TMEM117: variants seen among roughly 807,000 people sequenced by gnomAD.
The protein encoded by TMEM117 is transmembrane protein 117.
TMEM117 carries 27 observed loss-of-function variants against 52.4 expected under a neutral mutation model. The ratio of observed to expected loss-of-function variants is 0.51; its 90% CI spans 0.38 to 0.71. The LOEUF is 0.71. Ranked by LOEUF, TMEM117 falls within the 30% of genes least tolerant of loss-of-function variation. TMEM117 has a pLI of 0.00. For missense variants in TMEM117, 556 were observed against 630.5 expected (o/e 0.88, Z 1.26); for synonymous variants, 215 against 206.3 (o/e 1.04, Z -0.36).
intron 5 of TMEM117, among the ~76,000 whole-genome samples, chr12:44,227,321 A>AG (rs1949875272): frequency 6.6e-6 from 1 of 152,132 alleles, no homozygotes; most frequent in South Asian, 2.1e-4. Context: ...GAAATTAGCC[A>AG]GGCATGGTGG....
chr12:43,806,397 G>A, the TMEM117 span: 3 of 1,174,594 alleles, frequency 2.6e-6, no homozygotes, highest in Non-Finnish European at 3.1e-6. Flanking sequence ...CTGAGTGCCC[G>A]AGCGTCCCCG....
intron 3 of TMEM117, among the ~76,000 whole-genome samples, chr12:43,972,482 G>A (rs1945605042): frequency 6.6e-6 from 1 of 152,210 alleles, no homozygotes; most frequent in South Asian, 2.1e-4. Context: ...CATGGAAGGG[G>A]ATGCAAGTGG....
At chr12:44,003,195 T>C (rs1946142041) in intron 3 of TMEM117, among the ~76,000 whole-genome samples, 1 of 152,132 alleles carries the variant, frequency 6.6e-6, no homozygotes, top group South Asian at 2.1e-4. Context: ...GATTGGCTTG[T>C]GGCAGAGGGA....
chr12:44,073,913 G>A (rs1213199161), intron 3 of TMEM117: 1 of 152,208 alleles, frequency 6.6e-6, no homozygotes, highest in Non-Finnish European at 1.5e-5. Flanking sequence ...ATCTGGGAAT[G>A]TGGTTCTTAA....
chr12:44,062,445 C>T (rs556833936), intron 3 of TMEM117, among the ~76,000 whole-genome samples: 4 of 152,158 alleles, frequency 2.6e-5, no homozygotes, highest in East Asian at 1.9e-4. Context: ...ATGTGCATAC[C>T]GTCTATGAAA....
At chr12:44,105,861 G>A (rs1268805569) in intron 3 of TMEM117, among the ~76,000 whole-genome samples, 1 of 152,008 alleles carries the variant, frequency 6.6e-6, no homozygotes, top group African/African-American at 2.4e-5. Context: ...CAAAAGGAGT[G>A]TTTTCCCCTG....
intron 4 of TMEM117, among the ~76,000 whole-genome samples, chr12:44,187,586 A>G (rs1592591517): frequency 2.0e-5 from 3 of 152,268 alleles, no homozygotes; most frequent in South Asian, 4.1e-4. Flanking sequence ...ACCTGGAGGA[A>G]TTTCACAGTC....
intron 1 of TMEM117, among the ~76,000 whole-genome samples, chr12:43,842,721 AAC>A (rs145707134): frequency 0.039 from 5,761 of 149,162 alleles, 270 homozygotes; most frequent in African/African-American, 0.1. Context: ...ATTCTTTCTC[AAC>A]ACACACACAC....
At chr12:43,894,362 C>G (rs560516122) in intron 2 of TMEM117, among the ~76,000 whole-genome samples, 5 of 152,192 alleles carry the variant, frequency 3.3e-5, no homozygotes, top group African/African-American at 1.2e-4. Flanking sequence ...TCCCTAGTGT[C>G]ACATTACAGA....
chr12:43,900,438 G>A (rs1047157535), intron 2 of TMEM117, among the ~76,000 whole-genome samples: 2 of 151,738 alleles, frequency 1.3e-5, no homozygotes, highest in South Asian at 2.1e-4. Flanking sequence ...TTACATTCTC[G>A]GCTGGGCACG....
intron 2 of TMEM117, among the ~76,000 whole-genome samples, chr12:43,901,457 T>G (rs1278345625): frequency 6.6e-6 from 1 of 152,110 alleles, no homozygotes; most frequent in Non-Finnish European, 1.5e-5. Context: ...ATTATAGGCA[T>G]GTGCCACCAA....
the TMEM117 span, among the ~76,000 whole-genome samples, chr12:43,829,376 A>G: frequency 6.6e-6 from 1 of 152,222 alleles, no homozygotes; most frequent in Non-Finnish European, 1.5e-5. Context: ...AAGGAAATAG[A>G]CACAATGTAT....
chr12:44,020,706 G>A lies in TMEM117; in HGVS notation c.410+76364G>A, dbSNP rs145669412. Among the ~76,000 whole-genome samples the A allele has an allele frequency of 2.2e-3, 336 of 152,182 alleles. 1 individual carries two copies. The highest frequency in any genetic ancestry group is 6.8e-3 in the Middle Eastern group (2 of 294). Reference sequence around the variant, plus strand: ...TAAACATTCTGTAGTTCTTGATAGGGTATTTTATACATATTTTAAGGAGTC... The same window carrying A: ...TAAACATTCTGTAGTTCTTGATAGGATATTTTATACATATTTTAAGGAGTC... On this transcript the variant is annotated intron_variant, in intron 3 of 7. Transcript: ENST00000266534.
At chr12:44,141,059 C>G (rs1278102411) in intron 3 of TMEM117, among the ~76,000 whole-genome samples, 2 of 151,992 alleles carry the variant, frequency 1.3e-5, no homozygotes, top group South Asian at 2.1e-4. Flanking sequence ...AATCTGGTAT[C>G]TTGATTTTTC....
At chr12:43,801,684 G>A in the TMEM117 span, among the ~76,000 whole-genome samples, 1 of 151,992 alleles carries the variant, frequency 6.6e-6, no homozygotes. Flanking sequence ...ATTACTCTCA[G>A]GGCCAGGCAG....
chr12:43,815,322 C>G, the TMEM117 span, among the ~76,000 whole-genome samples: 1 of 152,284 alleles, frequency 6.6e-6, no homozygotes, highest in Non-Finnish European at 1.5e-5. Flanking sequence ...AGTGCCTTAA[C>G]AGTTAAGAAT....
At chr12:44,036,406 T>A (rs908505148) in intron 3 of TMEM117, among the ~76,000 whole-genome samples, 8 of 152,204 alleles carry the variant, frequency 5.3e-5, no homozygotes, top group African/African-American at 1.9e-4. Flanking sequence ...TAATTAATTA[T>A]GTGTTTGTAA....
intron 2 of TMEM117, among the ~76,000 whole-genome samples, chr12:43,898,872 A>G (rs910011242): frequency 2.0e-4 from 31 of 152,212 alleles, no homozygotes; most frequent in African/African-American, 7.2e-4. Context: ...TGGCCCCATA[A>G]GTTGTTGAAA....
At chr12:44,259,486 A>C (rs1950297141) in intron 5 of TMEM117, among the ~76,000 whole-genome samples, 1 of 152,150 alleles carries the variant, frequency 6.6e-6, no homozygotes, top group Non-Finnish European at 1.5e-5. Context: ...CTTTCCAGGA[A>C]ATTCATGAAG....
Sources: gnomAD v4.1 joint callset for allele counts (sites outside exome capture counted in the v4.1 genomes callset) on GRCh38, gnomAD v4.1.1 for gene constraint, MANE v1.5 for transcripts, NCBI Gene and HGNC (gene_info 2026-07-23, HGNC 2026-07-21) for gene names.